Variants in MX2 observed in about 807,000 individuals in gnomAD.
MX2 encodes MX dynamin like GTPase 2, also known as interferon-induced GTP-binding protein Mx2.
Under a neutral mutation model 74.0 loss-of-function variants are expected in MX2, and 51 were observed. That is an observed-to-expected ratio of 0.69 (90% CI 0.55 to 0.87). The LOEUF is 0.87. MX2 is among the 40% of genes least tolerant of loss of function. MX2 has a pLI of 0.00. For synonymous variants in MX2, 369 were observed against 339.3 expected, an observed-to-expected ratio of 1.09 and a Z score of -0.96; for missense variants, 832 against 908.7, an observed-to-expected ratio of 0.92 and a Z score of 1.09.
rs984822464 is a variant in MX2 at position 41,391,597 on chromosome 21, G to A, written c.871+894G>A. Among the ~76,000 whole-genome samples, 8 of 152,062 alleles carry A rather than the reference G, an allele frequency of 5.3e-5. No individual in the cohort carries two copies. The East Asian group carries it at 1.4e-3, about 26-fold the overall frequency. On this transcript the variant is annotated intron_variant, in intron 6 of 13. Transcript: ENST00000330714. Reference sequence around the variant, plus strand: ...GGGTTTCACTGTGTTGGCCAGGCAGGTGTCAAACTCCCAATCTCAGGTGAT... The same window carrying A: ...GGGTTTCACTGTGTTGGCCAGGCAGATGTCAAACTCCCAATCTCAGGTGAT...
At chr21:41,391,107 A>G (rs2089654701) in intron 6 of MX2, among the ~76,000 whole-genome samples, 1 of 151,976 alleles carries the variant, frequency 6.6e-6, no homozygotes, top group African/African-American at 2.4e-5. Context: ...ATCATATGCC[A>G]GTGTGTCCTG....
chr21:41,378,155 GCTGGGAGACAGGCCT>G (rs1187915314), intron 3 of MX2, among the ~76,000 whole-genome samples, 174 bp downstream of exon 3: 1 of 143,490 alleles, frequency 7.0e-6, no homozygotes, highest in South Asian at 2.2e-4. Context: ...GAGACAGGCC[GCTGGGAGACAGGCCT>G]CTGGGAGACA....
At position 41,377,139 on chromosome 21, in the gene MX2, G is replaced by T; in HGVS notation, c.233G>T (p.Ser78Ile). 6.2e-7 allele frequency: 1 copy of T among 1,614,150 alleles called. No homozygotes were observed. The highest frequency in any genetic ancestry group is 8.5e-7 in the Non-Finnish European group (1 of 1,180,030). ...LNNQPPPGNR[S>I]QPRAMGPENN... The stretch of plus-strand genomic sequence containing the variant: ...AATCAGCCACCACCAGGAAACAGGA[G>T]CCAACCAAGGGCAATGGTAAGCCCG... The change falls in exon 2 of 14, where the codon AGC becomes ATC. Residue 78 changes from serine to isoleucine, a missense_variant. Transcript: ENST00000330714.
At position 41,408,377 on chromosome 21, in the gene MX2, C is replaced by G; in HGVS notation, c.*144C>G. The G allele has an allele frequency of 2.6e-6, 3 of 1,148,116 alleles. No individual in the cohort carries two copies. Among genetic ancestry groups the G allele is most frequent in the Non-Finnish European group, 3.6e-6 (3 of 828,190 alleles). The allele number at this position is 1,148,116 out of a possible 1,614,324, so 71.1% of individuals were successfully genotyped here. A position where few individuals can be genotyped will look rare whatever the true frequency, so the allele number is the denominator to read the frequency against. ...CTACTGTACTCCCTCAGCATCAGAG[C>G]ATGCATCAGGGGTCCACACAGGCTC... On this transcript the variant is annotated 3_prime_UTR_variant, in exon 14 of 14. Transcript: ENST00000330714.
chr21:41,385,192 C>T (rs1472564567), intron 5 of MX2, among the ~76,000 whole-genome samples: 1 of 152,224 alleles, frequency 6.6e-6, no homozygotes, highest in African/African-American at 2.4e-5. Flanking sequence ...AGCTTTTGGC[C>T]TTTACATGCC....
chr21:41,408,105 C>T lies in MX2; in HGVS notation c.2020C>T (p.Arg674Cys), dbSNP rs746032518. The part of the protein sequence containing the change: ...AMMQILQEKN[R>C]YSWLLQEQSE... ...GATGCAGATACTACAGGAAAAAAAT[C>T]GCTATTCCTGGCTGCTTCAAGAGCA... Residue 674 changes from arginine (R) to cysteine (C), a missense_variant, in exon 14 of 14, where the codon CGC becomes TGC. Physicochemically the swap from Arg to Cys is radical, Grantham distance 180. Transcript: ENST00000330714. 6.2e-6 allele frequency: 10 copies of T among 1,614,040 alleles called. No individual in the cohort carries two copies. The highest frequency in any genetic ancestry group is 2.2e-5 in the East Asian group (1 of 44,900).
At chr21:41,398,758 A>G (rs2089768274) in intron 8 of MX2, 139 bp from the exon 9 acceptor site, 1 of 1,193,196 alleles carries the variant, frequency 8.4e-7, no homozygotes, top group Admixed American at 2.4e-5. Flanking sequence ...TAATCCCAGC[A>G]CTTTGGGAGG....
At chr21:41,385,714 TAG>T (rs1000324739) in intron 5 of MX2, among the ~76,000 whole-genome samples, 1 of 152,040 alleles carries the variant, frequency 6.6e-6, no homozygotes, top group Non-Finnish European at 1.5e-5. Flanking sequence ...CCTCAGGGAA[TAG>T]AGAGAGGGAG....
chr21:41,364,404 G>C (rs903280842), intron 1 of MX2: 1 of 152,298 alleles, frequency 6.6e-6, no homozygotes, highest in Non-Finnish European at 1.5e-5. Context: ...ACACTCTCAG[G>C]CTCCTGAGGA....
At position 41,368,665 on chromosome 21, in the gene MX2, AGTTTTAAATAT is replaced by A. The variant is rs2089289176; in HGVS notation, c.-72+6619_-72+6629del. On this transcript the variant is annotated intron_variant, in intron 1 of 13. Transcript: ENST00000330714. This position sits in a 1 kb window ranked among gnomAD's most constrained non-coding sequence, Gnocchi z 4.6. The stretch of plus-strand genomic sequence containing the variant: ...TGAGGGTGAGGGTGAGGGTGGCGAC[AGTTTTAAATAT>A]GTTTTAAAAGGAACATGAAATGAAG... Among the ~76,000 whole-genome samples the A allele has an allele frequency of 6.6e-6, 1 of 152,230 alleles. No homozygotes were observed. Among genetic ancestry groups the A allele is most frequent in the Non-Finnish European group, 1.5e-5 (1 of 68,036 alleles).
Position 41,363,353 on chromosome 21 carries a change from CCTCCTGCCT to C in MX2, c.-72+1300_-72+1308del, listed in dbSNP as rs1294795072. ...CCTTAAACTTCCGGGCTCAAGTGAT[CCTCCTGCCT>C]CGGCCTCCCAATGCATTGGGATTAC... On this transcript the variant is annotated intron_variant, in intron 1 of 13. Transcript: ENST00000330714. This position sits in a 1 kb window ranked among gnomAD's most constrained non-coding sequence, Gnocchi z 4.2. 1.3e-5 allele frequency: 2 copies of C among 152,150 alleles called. No homozygotes were observed. Among genetic ancestry groups the C allele is most frequent in the Admixed American group, 1.3e-4 (2 of 15,276 alleles). The allele number at this position is 152,150 out of a possible 1,614,324, so 9.4% of individuals were successfully genotyped here. A position where few individuals can be genotyped will look rare whatever the true frequency, so the allele number is the denominator to read the frequency against.
Position 41,379,788 on chromosome 21 carries a change from G to A in MX2, c.443-229G>A, listed in dbSNP as rs1448877750. ...CTTGCTCATGTCCATCGGAGCTCAGGGTGCTTACTCCGGCAGCGAACACTT... is the reference window on the plus strand; with the variant it reads ...CTTGCTCATGTCCATCGGAGCTCAGAGTGCTTACTCCGGCAGCGAACACTT... On this transcript the variant is annotated intron_variant, in intron 3 of 13. Transcript: ENST00000330714. 2.0e-5 allele frequency among the ~76,000 whole-genome samples: 3 copies of A among 152,210 alleles called. No individual in the cohort carries two copies. The East Asian group carries it at 5.8e-4, about 29-fold the overall frequency.
rs770343412 is a variant in MX2, at chr21:41,390,611, A to G, written c.779A>G (p.Asn260Ser). Residue 260 changes from asparagine to serine, a missense_variant, in exon 6 of 14, where the codon AAC (asparagine) becomes AGC (serine). Physicochemically the swap from Asn to Ser is conservative, Grantham distance 46 (BLOSUM62 1). Transcript: ENST00000330714. ...KKYIQRQQTI[N>S]LVVVPCNVDI... ...TACATCCAGAGGCAGCAGACGATCA[A>G]CTTGGTGGTGGTTCCCTGTAACGTG... 21 of 1,614,206 alleles carry G rather than the reference A, an allele frequency of 1.3e-5. No homozygotes were observed. In the South Asian group the frequency reaches 2.1e-4, roughly 16 times the overall value.
At chr21:41,407,145 A>G in intron 13 of MX2, 147 bp downstream of exon 13, 1 of 730,550 alleles carries the variant, frequency 1.4e-6, no homozygotes, top group Non-Finnish European at 2.1e-6. Flanking sequence ...TAAACTACTT[A>G]TATATTTTCT....
intron 12 of MX2, 148 bp from the exon 13 acceptor site, chr21:41,406,596 T>C (rs184048430): frequency 5.7e-6 from 5 of 878,792 alleles, no homozygotes; most frequent in African/African-American, 1.7e-5. Context: ...AGTGGGACTT[T>C]CTAAAAATCA....
intron 1 of MX2, among the ~76,000 whole-genome samples, chr21:41,376,627 C>T (rs373007074): frequency 1.3e-5 from 2 of 152,136 alleles, no homozygotes; most frequent in African/African-American, 4.8e-5. Flanking sequence ...CCCCCCGTTC[C>T]CCAAGCCCGG....
chr21:41,391,410 A>C (rs1413610724), intron 6 of MX2, among the ~76,000 whole-genome samples: 1 of 148,876 alleles, frequency 6.7e-6, no homozygotes, highest in African/African-American at 2.5e-5. Flanking sequence ...TTTTTGAGAC[A>C]GAGTTTCACT....
rs988915778 is a variant in MX2, at chr21:41,399,336, A to T, written c.1413A>T (p.Lys471Asn). ...GCATACTTGCAACTAATACCCAAAA[A>T]GGTAAGTTCTGGGCAGGGCTCCCTG... ...WVGILATNTQKVKNIIHEEVE... is the reference protein window; with the variant it reads ...WVGILATNTQNVKNIIHEEVE... Residue 471 changes from lysine (K) to asparagine (N), a missense_variant and splice_region_variant, in exon 10 of 14, where the codon AAA becomes AAT. By Grantham distance (94) the Lys-to-Asn change is moderately conservative. Transcript: ENST00000330714. 3 of 1,613,536 alleles carry T rather than the reference A, an allele frequency of 1.9e-6. No homozygotes were observed. Among genetic ancestry groups the T allele is most frequent in the African/African-American group, 1.3e-5 (1 of 74,884 alleles).
chr21:41,381,328 G>T (rs1168023238), intron 4 of MX2, among the ~76,000 whole-genome samples: 1 of 152,208 alleles, frequency 6.6e-6, no homozygotes, highest in Non-Finnish European at 1.5e-5. Flanking sequence ...AGGGCCAGGA[G>T]AGCTGTCTCT....
Sources: allele counts gnomAD v4.1 joint callset (sites outside exome capture counted in the v4.1 genomes callset), GRCh38; gene constraint gnomAD v4.1.1; non-coding constraint Gnocchi (gnomAD v3.1); transcripts MANE v1.5; gene names NCBI Gene and HGNC (gene_info 2026-07-23, HGNC 2026-07-21).